GREB1: variants seen among roughly 807,000 people sequenced by gnomAD.
The protein encoded by GREB1 is protein GREB1.
In GREB1, 106 loss-of-function variants were observed where a neutral mutation model predicts 200.7. The ratio of observed to expected loss-of-function variants is 0.53; its 90% CI spans 0.45 to 0.62. GREB1 has a LOEUF of 0.62. Among genes scored for constraint, GREB1 ranks in the 20% least tolerant of loss-of-function variants. The pLI, the probability that GREB1 is intolerant of heterozygous loss-of-function variation, is 0.00. For synonymous variants in GREB1, 1,132 were observed against 1,092.4 expected (o/e 1.04, Z -0.72); for missense variants, 2,243 against 2,556.8 (o/e 0.88, Z 2.65).
At chr2:11,545,953 G>A (rs1196741156) in intron 1 of GREB1, among the ~76,000 whole-genome samples, 1 of 152,190 alleles carries the variant, frequency 6.6e-6, no homozygotes, top group Non-Finnish European at 1.5e-5. Context: ...TGAGGCGGGT[G>A]GATCACTTGA....
intron 1 of GREB1, among the ~76,000 whole-genome samples, chr2:11,538,908 T>C (rs1674488389): frequency 1.8e-5 from 1 of 54,614 alleles, no homozygotes; most frequent in African/African-American, 7.1e-5. Flanking sequence ...CCTTCCTTCC[T>C]TCCCCCTCCC....
chr2:11,531,063 C>T (rs956040587), upstream of GREB1, among the ~76,000 whole-genome samples: 2 of 152,086 alleles, frequency 1.3e-5, no homozygotes, highest in Non-Finnish European at 2.9e-5. Context: ...GGTAGGTGGG[C>T]CTGTTTGGAG....
At chr2:11,569,320 G>A (rs758563809) in intron 4 of GREB1, among the ~76,000 whole-genome samples, 25 of 151,962 alleles carry the variant, frequency 1.6e-4, no homozygotes, top group Middle Eastern at 3.4e-3. Context: ...CTTCAGTTAC[G>A]TCTAGGGGCT....
At chr2:11,626,228 T>C (rs1572186228) in intron 24 of GREB1, among the ~76,000 whole-genome samples, 1 of 152,236 alleles carries the variant, frequency 6.6e-6, no homozygotes, top group South Asian at 2.1e-4. Flanking sequence ...GCACTGAGGA[T>C]CCTTCTCGTA....
intron 4 of GREB1, among the ~76,000 whole-genome samples, chr2:11,573,928 A>C (rs1371754653): frequency 6.6e-6 from 1 of 152,180 alleles, no homozygotes; most frequent in Non-Finnish European, 1.5e-5. Context: ...GGCCTTGGCA[A>C]GTTGCTCTTA....
chr2:11,617,276 G>A (rs1683494139), intron 21 of GREB1, among the ~76,000 whole-genome samples: 1 of 152,242 alleles, frequency 6.6e-6, no homozygotes, highest in South Asian at 2.1e-4. Context: ...ATCCCGCAGA[G>A]GAGGGCAGAG....
At chr2:11,598,535 G>T in intron 14 of GREB1, 145 bp from the exon 15 acceptor site, 3 of 755,620 alleles carry the variant, frequency 4.0e-6, no homozygotes, top group Non-Finnish European at 6.7e-6. Context: ...CTGTGTGGGA[G>T]TTTTTTCCCT....
chr2:11,630,014 C>G lies in GREB1; in HGVS notation c.4516C>G (p.His1506Asp), dbSNP rs770302348. 1 of 1,614,194 alleles carries G rather than the reference C, an allele frequency of 6.2e-7. No individual in the cohort carries two copies. Among genetic ancestry groups the G allele is most frequent in the African/African-American group, 1.3e-5 (1 of 75,058 alleles). Residue 1506 changes from histidine (H) to aspartate (D), a missense_variant, in exon 26 of 33, where the codon CAC becomes GAC. By Grantham distance (81) the His-to-Asp change is moderately conservative. Coordinates refer to ENST00000381486, the MANE Select transcript of GREB1 (RefSeq NM_014668.4). ...YSMLGEEIQL[H>D]FIIPKSKEHH... ...CATGCTAGGAGAGGAGATCCAGCTG[C>G]ACTTCATCATCCCCAAGTCCAAGGA...
chr2:11,508,970 G>A (rs1424579508), intron 1 of GREB1, among the ~76,000 whole-genome samples: 3 of 151,044 alleles, frequency 2.0e-5, no homozygotes, highest in Admixed American at 6.6e-5. Flanking sequence ...CGCCTCCCGG[G>A]TTCACGCCAT....
chr2:11,624,233 G>A (rs531909214), intron 23 of GREB1, among the ~76,000 whole-genome samples: 2 of 152,164 alleles, frequency 1.3e-5, no homozygotes, highest in East Asian at 3.9e-4. Flanking sequence ...CGGAACAACT[G>A]CCAGTCCTGC....
rs746259688 is a variant in GREB1, at chr2:11,592,813, G to A, written c.1383G>A (p.Gln461=). The A allele has an allele frequency of 1.3e-6, 2 of 1,572,090 alleles. No individual in the cohort carries two copies. Among genetic ancestry groups the A allele is most frequent in the Admixed American group, 1.9e-5 (1 of 51,720 alleles). ...DQVPLMEDLE[Q]IFLRSWRESH... Reference sequence around the variant, plus strand: ...TGCCCTTGATGGAGGACCTGGAGCAGATCTTCCTGCGCTCTTGGCGCGAGT... The same window carrying A: ...TGCCCTTGATGGAGGACCTGGAGCAAATCTTCCTGCGCTCTTGGCGCGAGT... Residue 461 remains glutamine (Q), a synonymous_variant, in exon 11 of 33, where the codon CAG becomes CAA. Transcript: ENST00000381486.
intron 16 of GREB1, among the ~76,000 whole-genome samples, chr2:11,601,645 G>T (rs138415470): frequency 6.6e-6 from 1 of 152,206 alleles, no homozygotes; most frequent in Non-Finnish European, 1.5e-5. Flanking sequence ...CCTGGCTTCC[G>T]TCCTGTGGAC....
chr2:11,613,197 TG>T (rs962826091), intron 19 of GREB1, among the ~76,000 whole-genome samples: 1 of 152,054 alleles, frequency 6.6e-6, no homozygotes, highest in Admixed American at 6.5e-5. Flanking sequence ...TCCGCTGGTG[TG>T]GGGGGTCTCT....
At chr2:11,539,412 A>G (rs762886008) in intron 1 of GREB1, among the ~76,000 whole-genome samples, 17 of 152,208 alleles carry the variant, frequency 1.1e-4, no homozygotes, top group Middle Eastern at 3.4e-3. Flanking sequence ...TTGTTGGGGC[A>G]TGTTCCATGG....
At chr2:11,483,688 GTGTGTGT>G (rs1558476326) in intron 1 of GREB1, among the ~76,000 whole-genome samples, 1 of 1,358 alleles carries the variant, frequency 7.4e-4, no homozygotes, top group African/African-American at 1.0e-3. Context: ...ACAAGAAGGG[GTGTGTGT>G]GTGTGTGTGT....
At chr2:11,521,991 G>A (rs966923150) in intron 1 of GREB1, among the ~76,000 whole-genome samples, 19 of 152,108 alleles carry the variant, frequency 1.2e-4, no homozygotes, top group South Asian at 2.1e-4. Context: ...AGTTAATCTC[G>A]GCTCTTTAAA....
intron 11 of GREB1, among the ~76,000 whole-genome samples, chr2:11,595,014 AAT>A (rs1681083669): frequency 6.7e-6 from 1 of 148,254 alleles, no homozygotes; most frequent in Non-Finnish European, 1.5e-5. Context: ...TTTTTAAATA[AAT>A]TATTTACCTT....
Position 11,501,181 on chromosome 2 carries a change from A to G in GREB1, c.-159+18800A>G, listed in dbSNP as rs1673027502. ...GAACACATTCAGTTTTTTTTCCTGG[A>G]GGGACACTCTTTAATCAGCTGTGTT... On this transcript the variant is annotated intron_variant, in intron 1 of 2. Coordinates refer to the GREB1 transcript ENST00000628795. 3.9e-5 allele frequency among the ~76,000 whole-genome samples: 6 copies of G among 152,046 alleles called. No homozygotes were observed. In the South Asian group the frequency reaches 1.2e-3, roughly 32 times the overall value.
intron 31 of GREB1, among the ~76,000 whole-genome samples, chr2:11,638,451 G>A (rs544642890): frequency 7.2e-5 from 11 of 152,114 alleles, no homozygotes; most frequent in Non-Finnish European, 1.5e-4. Flanking sequence ...TAAATATTCT[G>A]ATTCTCAGAT....
Sources: allele counts gnomAD v4.1 joint callset (sites outside exome capture counted in the v4.1 genomes callset), GRCh38; gene constraint gnomAD v4.1.1; transcripts MANE v1.5; gene names NCBI Gene and HGNC (gene_info 2026-07-23, HGNC 2026-07-21).